Variants in SLCO1A2 observed in about 807,000 individuals in gnomAD.
SLCO1A2 encodes solute carrier organic anion transporter family member 1A2.
In SLCO1A2, 67 loss-of-function variants were observed where a neutral mutation model predicts 69.0. That is an observed-to-expected ratio of 0.97 (90% confidence interval 0.80 to 1.19). The LOEUF (loss-of-function observed/expected upper bound fraction) is 1.19, where lower values mean the gene tolerates loss of function less well. Ranked by LOEUF, SLCO1A2 falls within the 50% of genes most tolerant of loss-of-function variation. SLCO1A2 has a pLI of 0.00. For synonymous variants in SLCO1A2, 260 were observed against 265.9 expected (o/e 0.98, Z 0.22); for missense variants, 787 against 793.7 (o/e 0.99, Z 0.10).
chr12:21,387,108 G>T (rs1016365378), intron 1 of SLCO1A2, among the ~76,000 whole-genome samples: 2 of 152,134 alleles, frequency 1.3e-5, no homozygotes, highest in Non-Finnish European at 2.9e-5. Flanking sequence ...ACTTGAGAGA[G>T]ATGATTTAGG....
intron 1 of SLCO1A2, among the ~76,000 whole-genome samples, chr12:21,400,896 A>C (rs1469823588): frequency 1.1e-5 from 1 of 88,294 alleles, no homozygotes; most frequent in East Asian, 4.5e-4. Context: ...GGGAGGGGGG[A>C]GGGATAGCAT....
chr12:21,318,947 G>T, intron 2 of SLCO1A2, 24 bp from the exon 3 acceptor site: 1 of 1,551,820 alleles, frequency 6.4e-7, no homozygotes, highest in Non-Finnish European at 8.7e-7. Flanking sequence ...ATAAGAAAAC[G>T]TAGAAAAAAT....
At chr12:21,373,440 C>T (rs372384041) in intron 2 of SLCO1A2, 1 of 1,586,784 alleles carries the variant, frequency 6.3e-7, no homozygotes, top group African/African-American at 1.3e-5. Context: ...AGGTTGGTAA[C>T]TTTAAAATCC....
At chr12:21,305,426 C>G (rs545689705) in intron 5 of SLCO1A2, among the ~76,000 whole-genome samples, 104 of 152,362 alleles carry the variant, frequency 6.8e-4, no homozygotes, top group Non-Finnish European at 7.3e-4. Flanking sequence ...GTCCTGACCA[C>G]AGCTGGGTCC....
intron 2 of SLCO1A2, 48 bp downstream of exon 2, chr12:21,334,540 T>TA: frequency 7.1e-7 from 1 of 1,412,098 alleles, no homozygotes; most frequent in East Asian, 2.3e-5. Flanking sequence ...TGTCGTATTT[T>TA]AAAAACTAGT....
chr12:21,405,865 A>G (rs1046053168), intron 1 of SLCO1A2, among the ~76,000 whole-genome samples: 1 of 152,230 alleles, frequency 6.6e-6, no homozygotes, highest in African/African-American at 2.4e-5. Flanking sequence ...TAGCATGAGT[A>G]GCTGTTACCT....
intron 2 of SLCO1A2, among the ~76,000 whole-genome samples, chr12:21,332,410 G>A (rs766742922): frequency 1.3e-5 from 2 of 152,052 alleles, no homozygotes; most frequent in African/African-American, 2.4e-5. Flanking sequence ...CTCTAGATAC[G>A]CAGGCTTCAT....
chr12:21,304,336 G>T, intron 6 of SLCO1A2, 91 bp downstream of exon 6: 1 of 1,056,446 alleles, frequency 9.5e-7, no homozygotes, highest in South Asian at 1.6e-5. Context: ...CATCATTGTG[G>T]AAATCACTAA....
chr12:21,303,202 G>A (rs570934519), intron 6 of SLCO1A2, among the ~76,000 whole-genome samples: 49 of 151,984 alleles, frequency 3.2e-4, no homozygotes, highest in Middle Eastern at 3.4e-3. Flanking sequence ...AACCTTGTAT[G>A]GACCACATCA....
At chr12:21,295,448 A>G in intron 10 of SLCO1A2, 149 bp downstream of exon 10, 2 of 611,362 alleles carry the variant, frequency 3.3e-6, no homozygotes. Flanking sequence ...GATTGGCTTG[A>G]TTGACAGATG....
chr12:21,373,402 G>A (rs1939943956), intron 2 of SLCO1A2: 3 of 1,613,296 alleles, frequency 1.9e-6, no homozygotes, highest in African/African-American at 2.7e-5. Flanking sequence ...CTGTTGCATT[G>A]AACCATCTGA....
At chr12:21,337,917 A>C (rs1565506918), upstream of SLCO1A2, among the ~76,000 whole-genome samples, 1 of 152,022 alleles carries the variant, frequency 6.6e-6, no homozygotes, top group Non-Finnish European at 1.5e-5. Flanking sequence ...TTATCCATAC[A>C]TGTGATTTCA....
chr12:21,329,963 A>G (rs1017356918), intron 2 of SLCO1A2, among the ~76,000 whole-genome samples: 2 of 151,954 alleles, frequency 1.3e-5, no homozygotes, highest in Non-Finnish European at 2.9e-5. Context: ...AGTCTTACCC[A>G]AAACTACTAA....
At chr12:21,293,080 G>A (rs1414402685) in intron 11 of SLCO1A2, among the ~76,000 whole-genome samples, 2 of 152,040 alleles carry the variant, frequency 1.3e-5, no homozygotes, top group Admixed American at 6.6e-5. Context: ...CAAGGCAGGC[G>A]GATCACAAGG....
At chr12:21,330,276 T>G (rs1952519819) in intron 2 of SLCO1A2, among the ~76,000 whole-genome samples, 1 of 152,216 alleles carries the variant, frequency 6.6e-6, no homozygotes, top group South Asian at 2.1e-4. Context: ...ACAGATCATT[T>G]TAGTCTAGGT....
intron 12 of SLCO1A2, among the ~76,000 whole-genome samples, chr12:21,275,678 C>T (rs1943685666): frequency 2.0e-5 from 3 of 152,274 alleles, no homozygotes; most frequent in East Asian, 1.9e-4. Context: ...CAGTGGCTCA[C>T]CCCTGTAATC....
At chr12:21,315,441 G>A (rs1182934080) in intron 3 of SLCO1A2, among the ~76,000 whole-genome samples, 4 of 152,010 alleles carry the variant, frequency 2.6e-5, no homozygotes, top group Admixed American at 6.6e-5. Flanking sequence ...ACAAATATAC[G>A]AATAAGTTTT....
Position 21,332,406 on chromosome 12 carries a change from A to C in SLCO1A2, c.60+2182T>G, listed in dbSNP as rs200299471. Among the ~76,000 whole-genome samples the C allele has an allele frequency of 5.9e-5, 9 of 152,098 alleles. No homozygotes were observed. The East Asian group carries it at 1.2e-3, about 20-fold the overall frequency. On this transcript the variant is annotated intron_variant, in intron 2 of 14. Transcript: ENST00000683939. The stretch of plus-strand genomic sequence containing the variant: ...TTTATCATGCAGATAAAGCCTCTAG[A>C]TACGCAGGCTTCATAGAGAATGGAT...
chr12:21,285,474 T>C (rs1342701828), intron 12 of SLCO1A2, among the ~76,000 whole-genome samples: 8 of 137,190 alleles, frequency 5.8e-5, no homozygotes, highest in African/African-American at 8.3e-5. Flanking sequence ...TTCCAATCAA[T>C]AGAAAAAGAG....
Sources: allele counts gnomAD v4.1 joint callset (sites outside exome capture counted in the v4.1 genomes callset), GRCh38; gene constraint gnomAD v4.1.1; transcripts MANE v1.5; gene names NCBI Gene and HGNC (gene_info 2026-07-23, HGNC 2026-07-21).